Variants in NCOR2 observed in about 807,000 individuals in gnomAD.
NCOR2 encodes the protein nuclear receptor corepressor 2, also known as CTG repeat protein 26.
Under a neutral mutation model 262.9 loss-of-function variants are expected in NCOR2, and 81 were observed. That is an observed-to-expected ratio of 0.31 (90% confidence interval 0.26 to 0.37). The LOEUF (loss-of-function observed/expected upper bound fraction) is 0.37. Ranked by LOEUF, NCOR2 falls within the 10% of genes least tolerant of loss-of-function variation. NCOR2 has a pLI of 1.00. For missense variants in NCOR2, 3,385 were observed against 3,621.4 expected (o/e 0.93, Z 1.68); for synonymous variants, 1,659 against 1,559.3 (o/e 1.06, Z -1.51).
chr12:124,449,498 C>T (rs185507152), intron 7 of NCOR2, among the ~76,000 whole-genome samples: 204 of 152,340 alleles, frequency 1.3e-3, no homozygotes, highest in East Asian at 2.7e-3. Context: ...CCCTCCTGCT[C>T]GAACAGGATG....
chr12:124,439,185 A>AG (rs2044634388), intron 7 of NCOR2, among the ~76,000 whole-genome samples: 4 of 151,714 alleles, frequency 2.6e-5, no homozygotes, highest in Admixed American at 2.6e-4. Flanking sequence ...ACCCAGAGAG[A>AG]GAGAGACGGA....
Position 124,440,916 on chromosome 12 carries a change from C to A in NCOR2, c.816-2920G>T, listed in dbSNP as rs1688265275. 6.6e-6 allele frequency among the ~76,000 whole-genome samples: 1 copy of A among 152,118 alleles called. No homozygotes were observed. The highest frequency in any genetic ancestry group is 2.4e-5 in the African/African-American group (1 of 41,432). ...GGGCACCGCAGGAGACAGGAACAAA[C>A]TCTGTGTATCGGAAGCACAGACAGA... On this transcript the variant is annotated intron_variant, in intron 7 of 46. Transcript: ENST00000405201. This position sits in a 1 kb window ranked among gnomAD's most constrained non-coding sequence, Gnocchi z 5.7.
intron 17 of NCOR2, among the ~76,000 whole-genome samples, chr12:124,381,759 G>C (rs1177127124): frequency 6.6e-6 from 1 of 152,250 alleles, no homozygotes; most frequent in African/African-American, 2.4e-5. Context: ...AACAAGGCGG[G>C]GCTGGGCCAA....
chr12:124,549,304 A>AT lies in NCOR2; in HGVS notation c.-164-13694dup, dbSNP rs1008979996. Among the ~76,000 whole-genome samples the AT allele has an allele frequency of 6.6e-6, 1 of 151,156 alleles. No homozygotes were observed. Among genetic ancestry groups the AT allele is most frequent in the Non-Finnish European group, 1.5e-5 (1 of 67,464 alleles). On this transcript the variant is annotated intron_variant, in intron 1 of 32. Transcript: ENST00000458234. The surrounding 1 kb of genome is among the most constrained non-coding windows in gnomAD (Gnocchi z 4.4). ...GGAGGGGCAGGGCCGCGGCTGGAGG[A>AT]TAAAATCCCACACTCCCCGCTTGGC...
chr12:124,451,714 G>A (rs531352923), intron 6 of NCOR2, among the ~76,000 whole-genome samples: 1 of 152,298 alleles, frequency 6.6e-6, no homozygotes, highest in East Asian at 1.9e-4. Context: ...AACAGGGAAG[G>A]ATGGAGACGT....
chr12:124,510,907 A>G (rs2049360053), intron 1 of NCOR2, among the ~76,000 whole-genome samples: 1 of 152,044 alleles, frequency 6.6e-6, no homozygotes, highest in Non-Finnish European at 1.5e-5. Context: ...GACCTCCCTC[A>G]TCAGAACCCG....
chr12:124,392,487 C>A (rs912782457), intron 16 of NCOR2, among the ~76,000 whole-genome samples: 1 of 152,274 alleles, frequency 6.6e-6, no homozygotes, highest in East Asian at 1.9e-4. Context: ...GGTATACCAC[C>A]CCTCCTGAGT....
At chr12:124,425,820 G>A (rs2043508065) in intron 11 of NCOR2, among the ~76,000 whole-genome samples, 1 of 152,148 alleles carries the variant, frequency 6.6e-6, no homozygotes, top group Admixed American at 6.5e-5. Flanking sequence ...TGCATGCTGT[G>A]TGGCCTTTGT....
At chr12:124,565,807 G>A (rs973784894) in intron 1 of NCOR2, among the ~76,000 whole-genome samples, 10 of 152,154 alleles carry the variant, frequency 6.6e-5, no homozygotes, top group Non-Finnish European at 1.2e-4. Context: ...TCTGTCCAGG[G>A]TCACACTGCC....
chr12:124,388,696 C>T (rs2041005155), intron 16 of NCOR2: 5 of 1,304,474 alleles, frequency 3.8e-6, no homozygotes, highest in African/African-American at 1.5e-5. Flanking sequence ...TCCTCTCATT[C>T]GCGTCTCCCC....
rs528050897 is a variant in NCOR2 at position 124,325,101 on chromosome 12, G to A, written c.*301C>T. On this transcript the variant is annotated 3_prime_UTR_variant, in exon 47 of 47. Transcript: ENST00000405201. ...CTTTGGGTCCCTGGCCGCCCTGGCC[G>A]CCTGCGTGTGGCTGCCACACGCCTG... is the stretch of plus-strand genomic sequence containing the variant. The A allele has an allele frequency of 6.1e-5, 16 of 262,516 alleles. No individual in the cohort carries two copies. In the South Asian group the frequency reaches 1.2e-3, roughly 19 times the overall value. 16.3% of individuals were successfully genotyped at this position (262,516 alleles called of 1,614,324 possible).
chr12:124,419,892 C>T (rs1167982244), intron 13 of NCOR2, 65 bp downstream of exon 15: 3 of 1,451,088 alleles, frequency 2.1e-6, no homozygotes. Context: ...TGCTGGCCAC[C>T]AAGCAAGTGG....
At chr12:124,375,268 T>C (rs2039897541) in intron 18 of NCOR2, among the ~76,000 whole-genome samples, 1 of 152,188 alleles carries the variant, frequency 6.6e-6, no homozygotes, top group Non-Finnish European at 1.5e-5. Flanking sequence ...AGGCCAACGC[T>C]GAGGGCCCCA....
intron 16 of NCOR2, among the ~76,000 whole-genome samples, chr12:124,397,843 T>C (rs2041779827): frequency 6.6e-6 from 1 of 152,216 alleles, no homozygotes; most frequent in African/African-American, 2.4e-5. Context: ...AGCCACTCGC[T>C]GACTACATGC....
intron 22 of NCOR2, among the ~76,000 whole-genome samples, chr12:124,359,438 A>G (rs1482756116): frequency 2.6e-5 from 4 of 152,234 alleles, no homozygotes; most frequent in Admixed American, 6.5e-5. Context: ...ATTGCCCCCA[A>G]TTCTCTCCTT....
intron 13 of NCOR2, among the ~76,000 whole-genome samples, chr12:124,407,073 G>A (rs58259569): frequency 0.054 from 8,231 of 152,256 alleles, 254 homozygotes; most frequent in Non-Finnish European, 0.061. Context: ...ACAGCCAGGT[G>A]CCCTACCTCC....
At chr12:124,521,224 T>A (rs773948764) in intron 1 of NCOR2, among the ~76,000 whole-genome samples, 1 of 152,192 alleles carries the variant, frequency 6.6e-6, no homozygotes, top group Non-Finnish European at 1.5e-5. Flanking sequence ...CACACACTGC[T>A]GCTTCCTGGC....
At chr12:124,372,998 C>T (rs1196786602) in intron 19 of NCOR2, among the ~76,000 whole-genome samples, 2 of 152,272 alleles carry the variant, frequency 1.3e-5, no homozygotes, top group East Asian at 3.8e-4. Flanking sequence ...CTCTGCCCCG[C>T]ACTGGCTGCG....
At chr12:124,333,862 G>GTA (rs752359907) in intron 41 of NCOR2, among the ~76,000 whole-genome samples, 2 of 144,112 alleles carry the variant, frequency 1.4e-5, no homozygotes, top group Non-Finnish European at 3.1e-5. Context: ...GTGCATGTGT[G>GTA]TGTGCGCATG....
Sources: gnomAD v4.1 joint callset for allele counts (sites outside exome capture counted in the v4.1 genomes callset) on GRCh38, gnomAD v4.1.1 for gene constraint, Gnocchi (gnomAD v3.1) non-coding constraint, MANE v1.5 for transcripts, NCBI Gene and HGNC (gene_info 2026-07-23, HGNC 2026-07-21) for gene names.